The following ASPRV1 variants were observed in gnomAD, a reference collection of about 807,000 sequenced individuals.
ASPRV1 encodes the protein aspartic peptidase retroviral like 1.
A neutral mutation model predicts 11.0 loss-of-function variants in ASPRV1; 7 were observed. The ratio of observed to expected loss-of-function variants is 0.64; its 90% CI spans 0.36 to 1.20. The LOEUF is 1.20. Ranked by LOEUF, ASPRV1 falls within the 50% of genes most tolerant of loss-of-function variation. The pLI is 0.02. For missense variants in ASPRV1, 299 were observed against 320.0 expected (o/e 0.93, Z 0.50); for synonymous variants, 136 against 138.4 (o/e 0.98, Z 0.12).
chr2:70,064,728 ATTCAC>A, the ASPRV1 span, among the ~76,000 whole-genome samples: 1 of 152,200 alleles, frequency 6.6e-6, no homozygotes, highest in Non-Finnish European at 1.5e-5. Context: ...TTGTTTTACT[ATTCAC>A]TTCACAAGTA....
At chr2:69,988,793 T>TCTGC in the ASPRV1 span, 1 of 456,712 alleles carries the variant, frequency 2.2e-6, no homozygotes, top group South Asian at 1.5e-5. Flanking sequence ...TAGTGTTAAC[T>TCTGC]CTGCCACCTC....
the ASPRV1 span, among the ~76,000 whole-genome samples, chr2:69,981,880 T>C: frequency 2.0e-5 from 3 of 152,196 alleles, no homozygotes; most frequent in Non-Finnish European, 2.9e-5. Flanking sequence ...TTTTAAATGA[T>C]GCACAGGTTG....
chr2:70,069,258 G>C, the ASPRV1 span: 4 of 152,224 alleles, frequency 2.6e-5, no homozygotes, highest in South Asian at 4.2e-4. Flanking sequence ...ACCTGACCTC[G>C]CCCTCTGGGG....
chr2:70,053,107 G>A, the ASPRV1 span, among the ~76,000 whole-genome samples: 2 of 152,248 alleles, frequency 1.3e-5, no homozygotes, highest in South Asian at 4.1e-4. Context: ...ATTTACCGCA[G>A]AGATTCACAG....
At chr2:70,011,352 G>C in the ASPRV1 span, among the ~76,000 whole-genome samples, 3 of 152,192 alleles carry the variant, frequency 2.0e-5, no homozygotes, top group African/African-American at 7.2e-5. Flanking sequence ...ACAGGGGGCA[G>C]GGGGCCAGGG....
the ASPRV1 span, chr2:70,087,133 T>G: frequency 1.3e-5 from 2 of 152,144 alleles, no homozygotes; most frequent in Admixed American, 1.3e-4. Flanking sequence ...CCGCCGGGGC[T>G]GCCCATGTCG....
At chr2:70,064,662 G>A in the ASPRV1 span, among the ~76,000 whole-genome samples, 3 of 152,288 alleles carry the variant, frequency 2.0e-5, no homozygotes, top group East Asian at 1.9e-4. Flanking sequence ...GTCAAGATAG[G>A]TGACTGATGC....
chr2:70,057,501 C>A, the ASPRV1 span, among the ~76,000 whole-genome samples: 13 of 150,860 alleles, frequency 8.6e-5, no homozygotes, highest in Non-Finnish European at 1.8e-4. Context: ...TTTTTTGAAA[C>A]AGGATCTTGC....
At chr2:70,067,507 A>G in the ASPRV1 span, among the ~76,000 whole-genome samples, 12 of 152,360 alleles carry the variant, frequency 7.9e-5, no homozygotes, top group African/African-American at 2.6e-4. Context: ...AAAAATAGCC[A>G]AATAAAATAC....
chr2:70,040,712 T>C, the ASPRV1 span, among the ~76,000 whole-genome samples: 2 of 151,994 alleles, frequency 1.3e-5, no homozygotes, highest in Admixed American at 6.6e-5. Flanking sequence ...CAGGCCCCTG[T>C]AATCTGACCT....
At chr2:69,956,451 G>GGAAGAAGAAGAAGAAGAAGAA (rs112463800), downstream of ASPRV1, among the ~76,000 whole-genome samples, 393 of 98,044 alleles carry the variant, frequency 4.0e-3, 33 homozygotes, top group African/African-American at 0.021. Context: ...AAGGAGAAGA[G>GGAAGAAGAAGAAGAAGAAGAA]GAAGAAGAAG....
In ASPRV1 at chr2:69,961,013, C is replaced by G; in HGVS notation, c.424G>C (p.Glu142Gln). ...QVSVVHPNLW[E>Q]EVTDGDLDTL... ...TCCAGATCGCCATCAGTGACCTCCT[C>G]CCACAAGTTTGGGTGGACCACAGAG... The change falls in exon 1 of 1, where the codon GAG becomes CAG. Residue 142 changes from glutamate to glutamine, a missense_variant. Transcript: ENST00000320256. The G allele has an allele frequency of 6.2e-7, 1 of 1,614,132 alleles. No homozygotes were observed. Among genetic ancestry groups the G allele is most frequent in the Non-Finnish European group, 8.5e-7 (1 of 1,180,008 alleles).
At chr2:70,058,160 T>G in the ASPRV1 span, among the ~76,000 whole-genome samples, 1 of 152,228 alleles carries the variant, frequency 6.6e-6, no homozygotes, top group Non-Finnish European at 1.5e-5. Flanking sequence ...AGGAAATACA[T>G]GAAATACACA....
chr2:70,036,183 A>C, the ASPRV1 span, among the ~76,000 whole-genome samples: 5 of 151,964 alleles, frequency 3.3e-5, no homozygotes, highest in Non-Finnish European at 7.4e-5. Flanking sequence ...GGTGGGCAGA[A>C]AAAGAGACAC....
chr2:70,077,920 C>A, the ASPRV1 span, among the ~76,000 whole-genome samples: 2 of 151,992 alleles, frequency 1.3e-5, no homozygotes, highest in South Asian at 4.2e-4. Context: ...ATAATCCCAG[C>A]ACTCTGGGAG....
chr2:69,960,600 C>CT lies in ASPRV1; in HGVS notation c.*56_*57insA, dbSNP rs1678054135. ...GACCCCCATGAGGATATGCAACCCC[C>CT]CCCACAGCGGTGGGTCTTCCCACCA... On this transcript the variant is annotated 3_prime_UTR_variant, in exon 1 of 1. Transcript: ENST00000320256. 6.6e-7 allele frequency: 1 copy of CT among 1,525,394 alleles called. No homozygotes were observed. Among genetic ancestry groups the CT allele is most frequent in the African/African-American group, 1.4e-5 (1 of 72,570 alleles). 94.5% of individuals were successfully genotyped at this position (1,525,394 alleles called of 1,614,324 possible).
chr2:70,054,595 T>C, the ASPRV1 span, among the ~76,000 whole-genome samples: 1 of 151,080 alleles, frequency 6.6e-6, no homozygotes, highest in African/African-American at 2.4e-5. Context: ...AATAAATAAA[T>C]AAATAAATAA....
At chr2:69,987,975 G>C in the ASPRV1 span, among the ~76,000 whole-genome samples, 1 of 152,126 alleles carries the variant, frequency 6.6e-6, no homozygotes, top group Non-Finnish European at 1.5e-5. Flanking sequence ...CTAGTCTCCG[G>C]GGGTGCACCC....
the ASPRV1 span, chr2:69,996,681 C>T: frequency 2.2e-6 from 1 of 456,384 alleles, no homozygotes; most frequent in African/African-American, 2.0e-5. Context: ...GACTTAAGTT[C>T]TTACCAAATA....
Sources: gnomAD v4.1 joint callset for allele counts (sites outside exome capture counted in the v4.1 genomes callset) on GRCh38, gnomAD v4.1.1 for gene constraint, MANE v1.5 for transcripts, NCBI Gene and HGNC (gene_info 2026-07-23, HGNC 2026-07-21) for gene names.